The following DPPA2 variants were observed in gnomAD, a reference collection of about 807,000 sequenced individuals.
The protein encoded by DPPA2 is developmental pluripotency-associated protein 2.
A neutral mutation model predicts 36.2 loss-of-function variants in DPPA2; 26 were observed. That is an observed-to-expected ratio of 0.72 (90% confidence interval 0.53 to 1.00). The LOEUF is 1.00. DPPA2 is among the 50% of genes least tolerant of loss of function. The pLI is 0.00. For synonymous variants in DPPA2, 113 were observed against 123.2 expected (o/e 0.92, Z 0.55); for missense variants, 361 against 365.1 (o/e 0.99, Z 0.09).
intron 6 of DPPA2, among the ~76,000 whole-genome samples, 155 bp downstream of exon 6, chr3:109,307,877 T>C (rs1473009255): frequency 6.6e-6 from 1 of 152,204 alleles, no homozygotes; most frequent in African/African-American, 2.4e-5. Flanking sequence ...TATCCATCAA[T>C]ATGACAGATA....
At chr3:109,312,723 T>A in intron 2 of DPPA2, 31 bp from the exon 3 acceptor site, 1 of 1,611,042 alleles carries the variant, frequency 6.2e-7, no homozygotes, top group Non-Finnish European at 8.5e-7. Flanking sequence ...CTGATTTTCA[T>A]TTGATGCGGT....
rs548763306 is a variant in DPPA2 at position 109,310,839 on chromosome 3, T to C, written c.182-1509A>G. ...TGTTTTGAGACAGGGTCTTGCTCTGTCACCTAGGCTGGAGTGCAGTGGTGC... is the reference window on the plus strand; with the variant it reads ...TGTTTTGAGACAGGGTCTTGCTCTGCCACCTAGGCTGGAGTGCAGTGGTGC... On this transcript the variant is annotated intron_variant, in intron 3 of 8. Transcript: ENST00000478945. 2.0e-5 allele frequency among the ~76,000 whole-genome samples: 3 copies of C among 151,856 alleles called. No homozygotes were observed. The South Asian group carries it at 6.2e-4, about 32-fold the overall frequency.
chr3:109,296,405 T>C (rs921104091), intron 8 of DPPA2, among the ~76,000 whole-genome samples: 10 of 152,262 alleles, frequency 6.6e-5, no homozygotes, highest in South Asian at 2.1e-4. Context: ...CTGGGCGTGG[T>C]GGCTCACGCC....
In DPPA2 at chr3:109,309,217, T is replaced by C. The variant is rs1415059033; in HGVS notation, c.295A>G (p.Thr99Ala). The C allele has an allele frequency of 1.2e-6, 2 of 1,614,156 alleles. No individual in the cohort carries two copies. The highest frequency in any genetic ancestry group is 2.2e-5 in the East Asian group (1 of 44,874). Reference sequence around the variant, plus strand: ...AGTTGTTGACACCAGTCCCGCAAAGTGTCCCGACACACCTTATTAATGGGA... The same window carrying C: ...AGTTGTTGACACCAGTCCCGCAAAGCGTCCCGACACACCTTATTAATGGGA... The part of the protein sequence containing the change: ...LPPINKVCRD[T>A]LRDWCQQLGL... Residue 99 changes from threonine to alanine, a missense_variant, in exon 4 of 9, where the codon ACT becomes GCT. Coordinates refer to ENST00000478945, the MANE Select transcript of DPPA2 (RefSeq NM_138815.4).
intron 7 of DPPA2, among the ~76,000 whole-genome samples, chr3:109,303,989 T>C (rs756018673): frequency 4.6e-5 from 7 of 151,172 alleles, no homozygotes; most frequent in Non-Finnish European, 7.4e-5. Context: ...ATACAGAAAT[T>C]AGCCGGGCAC....
At chr3:109,304,780 G>C (rs1333884696) in intron 6 of DPPA2, 110 bp from the exon 7 acceptor site, 10 of 1,069,332 alleles carry the variant, frequency 9.4e-6, no homozygotes. Context: ...CAAATCAATT[G>C]AATGAGATGC....
chr3:109,298,485 C>T (rs1057303725), intron 8 of DPPA2, among the ~76,000 whole-genome samples: 2 of 148,322 alleles, frequency 1.3e-5, no homozygotes, highest in Middle Eastern at 4.0e-3. Context: ...GAGCCCAAGG[C>T]GGGTGAATCA....
In DPPA2 at chr3:109,304,627, G is replaced by A; in HGVS notation, c.702C>T (p.Asp234=). 6.2e-7 allele frequency: 1 copy of A among 1,613,094 alleles called. No individual in the cohort carries two copies. ...CVVHGRLLSA[D]TKGWVRLQFH... ...ACTGCAGGCGTACCCAACCCTTTGT[G>A]TCTGCCGAGAGAAGTCTGCCATGGA... The change falls in exon 7 of 9, where the codon GAC becomes GAT. Residue 234 remains aspartate, a synonymous_variant. Transcript: ENST00000478945.
intron 7 of DPPA2, among the ~76,000 whole-genome samples, chr3:109,301,422 C>T (rs560934368): frequency 1.3e-5 from 2 of 152,162 alleles, no homozygotes; most frequent in Admixed American, 6.6e-5. Flanking sequence ...GAGGCTGAGG[C>T]GAGTGGATCA....
intron 6 of DPPA2, among the ~76,000 whole-genome samples, chr3:109,305,428 C>A (rs1241937281): frequency 6.6e-6 from 1 of 152,134 alleles, no homozygotes; most frequent in Non-Finnish European, 1.5e-5. Flanking sequence ...ATTTACCTAA[C>A]CACTACATTG....
At chr3:109,310,649 G>A (rs1256310778) in intron 3 of DPPA2, among the ~76,000 whole-genome samples, 1 of 151,462 alleles carries the variant, frequency 6.6e-6, no homozygotes, top group Non-Finnish European at 1.5e-5. Context: ...GGGACTACAG[G>A]CACGCGCCAC....
intron 7 of DPPA2, among the ~76,000 whole-genome samples, chr3:109,303,330 C>T (rs1707492125): frequency 6.6e-6 from 1 of 151,858 alleles, no homozygotes; most frequent in African/African-American, 2.4e-5. Flanking sequence ...TAAGCTATTC[C>T]AATATAGATT....
intron 7 of DPPA2, among the ~76,000 whole-genome samples, chr3:109,303,274 C>A (rs185069355): frequency 6.6e-4 from 101 of 152,002 alleles, no homozygotes; most frequent in African/African-American, 2.3e-3. Context: ...ACTTCCACAA[C>A]TGGTAAGCTC....
chr3:109,304,766 C>T, intron 6 of DPPA2, 96 bp from the exon 7 acceptor site: 2 of 1,263,116 alleles, frequency 1.6e-6, no homozygotes, highest in Non-Finnish European at 2.2e-6. Context: ...TTGTATTCTG[C>T]TCACAAATCA....
intron 5 of DPPA2, 55 bp from the exon 6 acceptor site, chr3:109,308,348 T>A: frequency 6.4e-7 from 1 of 1,552,246 alleles, no homozygotes. Context: ...TGTAAGGACT[T>A]TTGGGTCAAT....
At chr3:109,301,655 T>TA (rs200304140) in intron 7 of DPPA2, among the ~76,000 whole-genome samples, 255 of 117,380 alleles carry the variant, frequency 2.2e-3, no homozygotes, top group African/African-American at 7.2e-3. Flanking sequence ...CCATCTCAAA[T>TA]AAAAAAAAAA....
At chr3:109,296,156 A>G (rs1422717220) in intron 8 of DPPA2, among the ~76,000 whole-genome samples, 1 of 152,224 alleles carries the variant, frequency 6.6e-6, no homozygotes, top group Non-Finnish European at 1.5e-5. Flanking sequence ...TTAATGACAT[A>G]CAAAACCAGA....
At position 109,309,094 on chromosome 3, in the gene DPPA2, A is replaced by G; in HGVS notation, c.343-15T>C. ...ACTTCGATTTTCTTAGGAAATGAAG[A>G]GAGAGATTAAGTTAAAAGTTGACAA... On this transcript the variant is annotated splice_polypyrimidine_tract_variant and intron_variant, in intron 4 of 8. Transcript: ENST00000478945. 3 of 1,614,158 alleles carry G rather than the reference A, an allele frequency of 1.9e-6. No individual in the cohort carries two copies. The highest frequency in any genetic ancestry group is 2.5e-6 in the Non-Finnish European group (3 of 1,180,032).
chr3:109,312,688 A>C lies in DPPA2; in HGVS notation c.38T>G (p.Phe13Cys). Reference sequence around the variant, plus strand: ...CTCATCATCTACTTCCCCCTCCAAGAAATTCTGGAAAGAGAAGTCAGTCAC... The same window carrying C: ...CTCATCATCTACTTCCCCCTCCAAGCAATTCTGGAAAGAGAAGTCAGTCAC... ...DANLDSSKKN[F>C]LEGEVDDEES... Residue 13 changes from phenylalanine (F) to cysteine (C), a missense_variant, in exon 3 of 9, where the codon TTC (phenylalanine) becomes TGC (cysteine). By Grantham distance (205) the Phe-to-Cys change is radical (BLOSUM62 -2). Coordinates refer to ENST00000478945, the MANE Select transcript of DPPA2 (RefSeq NM_138815.4). The C allele has an allele frequency of 6.2e-7, 1 of 1,613,094 alleles. No homozygotes were observed. Among genetic ancestry groups the C allele is most frequent in the East Asian group, 2.2e-5 (1 of 44,856 alleles).
Sources: allele counts gnomAD v4.1 joint callset (sites outside exome capture counted in the v4.1 genomes callset), GRCh38; gene constraint gnomAD v4.1.1; transcripts MANE v1.5; gene names NCBI Gene and HGNC (gene_info 2026-07-23, HGNC 2026-07-21).